CLVS1: variants seen among roughly 807,000 people sequenced by gnomAD.
CLVS1 encodes clavesin-1.
A neutral mutation model predicts 33.1 loss-of-function variants in CLVS1; 10 were observed. The observed-to-expected ratio is 0.30, with a 90% CI of 0.19 to 0.51. The LOEUF (loss-of-function observed/expected upper bound fraction) is 0.51, where lower values mean the gene tolerates loss of function less well. Among genes scored for constraint, CLVS1 ranks in the 20% least tolerant of loss-of-function variants. The probability of loss-of-function intolerance (pLI) is 0.97; values close to 1 mark genes in which losing one functional copy is unlikely to be tolerated. For synonymous variants in CLVS1, 163 were observed against 166.1 expected, an observed-to-expected ratio of 0.98 and a Z score of 0.14; for missense variants, 343 against 433.4, an observed-to-expected ratio of 0.79 and a Z score of 1.85.
chr8:61,366,816 C>T (rs531286527), intron 2 of CLVS1, among the ~76,000 whole-genome samples: 1 of 152,272 alleles, frequency 6.6e-6, no homozygotes, highest in Admixed American at 6.5e-5. Flanking sequence ...GACGTGGCAC[C>T]TGCTCATGGT....
chr8:61,455,576 A>T (rs1817120602), intron 4 of CLVS1, among the ~76,000 whole-genome samples: 1 of 152,174 alleles, frequency 6.6e-6, no homozygotes, highest in African/African-American at 2.4e-5. Flanking sequence ...TCCTCTCGGT[A>T]TATATCCATT....
At chr8:61,168,717 T>G (rs1364609087) in intron 2 of CLVS1, among the ~76,000 whole-genome samples, 1 of 152,226 alleles carries the variant, frequency 6.6e-6, no homozygotes, top group Non-Finnish European at 1.5e-5. Context: ...CTCTGCAAGC[T>G]GAAGCTAGTC....
the CLVS1 span, chr8:60,967,639 A>G: frequency 2.2e-6 from 1 of 455,740 alleles, no homozygotes; most frequent in Non-Finnish European, 4.4e-6. Context: ...CTTTATCTCC[A>G]GGGCTTCTCG....
rs1415182735 is a variant in CLVS1, at chr8:61,247,976, G to A, written c.-151-51701G>A. On this transcript the variant is annotated intron_variant, in intron 2 of 2. Coordinates refer to the CLVS1 transcript ENST00000522621. The stretch of plus-strand genomic sequence containing the variant: ...GATTTTTGTATATGGTGTAAGGAAG[G>A]GGGTCCAGTTTCAATCTTCTGCATA... Among the ~76,000 whole-genome samples the A allele has an allele frequency of 3.9e-5, 6 of 152,088 alleles. No individual in the cohort carries two copies. In the East Asian group the frequency reaches 9.6e-4, roughly 24 times the overall value.
intron 3 of CLVS1, among the ~76,000 whole-genome samples, chr8:61,435,834 A>G (rs1394823124): frequency 1.3e-5 from 2 of 152,180 alleles, no homozygotes; most frequent in African/African-American, 4.8e-5. Flanking sequence ...AGGAGATCAA[A>G]ACCATTAATA....
chr8:61,039,406 C>T, the CLVS1 span, among the ~76,000 whole-genome samples: 4 of 152,238 alleles, frequency 2.6e-5, no homozygotes, highest in Admixed American at 2.6e-4. Context: ...CCTTCTGTGG[C>T]TCACTACCTG....
intron 1 of CLVS1, among the ~76,000 whole-genome samples, chr8:61,082,876 C>T (rs1805046687): frequency 6.6e-6 from 1 of 152,046 alleles, no homozygotes; most frequent in East Asian, 1.9e-4. Flanking sequence ...GAAACCCCAT[C>T]TCTACAAGAA....
chr8:61,163,010 GAA>G (rs1220341025), intron 2 of CLVS1, among the ~76,000 whole-genome samples: 2 of 152,208 alleles, frequency 1.3e-5, no homozygotes, highest in East Asian at 3.8e-4. Context: ...GTCTTAATAA[GAA>G]GTCTCACCCA....
the CLVS1 span, among the ~76,000 whole-genome samples, chr8:60,990,523 T>C: frequency 6.6e-6 from 1 of 152,072 alleles, no homozygotes; most frequent in Non-Finnish European, 1.5e-5. Context: ...ATGTGGAAAT[T>C]TGTTGAAGCT....
At chr8:61,126,855 T>C (rs373515323) in intron 1 of CLVS1, among the ~76,000 whole-genome samples, 2 of 152,342 alleles carry the variant, frequency 1.3e-5, no homozygotes, top group African/African-American at 4.8e-5. Flanking sequence ...AAATCTTGGA[T>C]TGACATGATC....
chr8:61,074,396 ATGT>A (rs1399448547), intron 1 of CLVS1, among the ~76,000 whole-genome samples: 934 of 52,236 alleles, frequency 0.018, 62 homozygotes, highest in African/African-American at 0.18. Flanking sequence ...GTATATATAT[ATGT>A]TATATATATA....
intron 2 of CLVS1, among the ~76,000 whole-genome samples, chr8:61,232,041 T>TTTTTTTTTTTTTTGTTTTG (rs1554548394): frequency 4.3e-5 from 5 of 116,014 alleles, no homozygotes; most frequent in Admixed American, 8.1e-5. Flanking sequence ...TTTTTTTTTT[T>TTTTTTTTTTTTTTGTTTTG]TTTTTTTTTG....
chr8:61,027,813 G>A, the CLVS1 span, among the ~76,000 whole-genome samples: 1 of 152,082 alleles, frequency 6.6e-6, no homozygotes, highest in South Asian at 2.1e-4. Flanking sequence ...TATTTGAGGC[G>A]ATATACTAAA....
At chr8:61,252,195 A>T (rs992756361) in intron 2 of CLVS1, among the ~76,000 whole-genome samples, 3 of 152,172 alleles carry the variant, frequency 2.0e-5, no homozygotes, top group Non-Finnish European at 4.4e-5. Context: ...ATTCAGGAGC[A>T]GGTTGTTCAG....
At chr8:61,095,218 C>T (rs1805329525) in intron 1 of CLVS1, among the ~76,000 whole-genome samples, 1 of 152,082 alleles carries the variant, frequency 6.6e-6, no homozygotes, top group South Asian at 2.1e-4. Context: ...AAAACTTAGT[C>T]AATTTTTCTT....
intron 1 of CLVS1, among the ~76,000 whole-genome samples, chr8:61,080,967 A>C (rs928839647): frequency 1.3e-5 from 2 of 152,224 alleles, no homozygotes; most frequent in East Asian, 3.8e-4. Context: ...GGCGGAACTG[A>C]AATGATAACA....
At chr8:61,481,109 G>A (rs1818177688) in intron 5 of CLVS1, among the ~76,000 whole-genome samples, 1 of 152,136 alleles carries the variant, frequency 6.6e-6, no homozygotes, top group African/African-American at 2.4e-5. Flanking sequence ...AGGTGTTGTT[G>A]ACCTGTGAGG....
chr8:61,078,297 C>G (rs1399994407), intron 1 of CLVS1, among the ~76,000 whole-genome samples: 3 of 152,152 alleles, frequency 2.0e-5, no homozygotes, highest in Admixed American at 1.3e-4. Context: ...TGTGATGTGA[C>G]GAGGGCCAGG....
chr8:61,461,874 C>T (rs1586008125), intron 5 of CLVS1, among the ~76,000 whole-genome samples: 1 of 146,252 alleles, frequency 6.8e-6, no homozygotes, highest in African/African-American at 2.5e-5. Context: ...TGGAAAAATG[C>T]TTGATATGAC....
Sources: allele counts gnomAD v4.1 joint callset (sites outside exome capture counted in the v4.1 genomes callset), GRCh38; gene constraint gnomAD v4.1.1; transcripts MANE v1.5; gene names NCBI Gene and HGNC (gene_info 2026-07-23, HGNC 2026-07-21).